DNAL4: variants seen among roughly 807,000 people sequenced by gnomAD.
DNAL4 encodes the protein dynein light chain, outer arm 4.
A neutral mutation model predicts 12.6 loss-of-function variants in DNAL4; 10 were observed. That is an observed-to-expected ratio of 0.79 (90% CI 0.49 to 1.34). The LOEUF is 1.34. Ranked by LOEUF, DNAL4 falls within the 40% of genes most tolerant of loss-of-function variation. The pLI, the probability that DNAL4 is intolerant of heterozygous loss-of-function variation, is 0.00. For synonymous variants in DNAL4, 46 were observed against 53.1 expected (o/e 0.87, Z 0.58); for missense variants, 128 against 138.1 (o/e 0.93, Z 0.37).
rs542051422 is a variant in DNAL4, at chr22:38,786,557, TCAAAACAAAA to T, written c.-139-3697_-139-3688del. On this transcript the variant is annotated intron_variant, in intron 1 of 3. Coordinates refer to ENST00000216068, the MANE Select transcript of DNAL4 (RefSeq NM_005740.3). ...CTGGGCGAAGAAGTGAGACTCAGTC[TCAAAACAAAA>T]CAAAACAAAACAAAACAAAAACAAA... is the stretch of plus-strand genomic sequence containing the variant. Among the ~76,000 whole-genome samples, 341 of 152,100 alleles carry T rather than the reference TCAAAACAAAA, an allele frequency of 2.2e-3. 1 individual carries two copies. Among genetic ancestry groups the T allele is most frequent in the Non-Finnish European group, 3.1e-3 (209 of 67,986 alleles).
chr22:38,780,798 C>T, intron 3 of DNAL4, 128 bp downstream of exon 3: 1 of 896,964 alleles, frequency 1.1e-6, no homozygotes, highest in Non-Finnish European at 1.7e-6. Flanking sequence ...AGACTGAATG[C>T]TTCCAAGGAA....
rs2093031362 is a variant in DNAL4 at position 38,779,699 on chromosome 22, ACT to A, written c.154-88_154-87del. On this transcript the variant is annotated intron_variant, in intron 3 of 3. Transcript: ENST00000216068. This position sits in a 1 kb window ranked among gnomAD's most constrained non-coding sequence, Gnocchi z 4.3. ...CTTCTCCAGGAAGGAGAAGGCTGGC[ACT>A]GAGGTCTTGGCAAGAGAAAGGCCTG... is the stretch of plus-strand genomic sequence containing the variant. 6.8e-7 allele frequency: 1 copy of A among 1,477,340 alleles called. No individual in the cohort carries two copies. Among genetic ancestry groups the A allele is most frequent in the Non-Finnish European group, 9.1e-7 (1 of 1,101,704 alleles). 91.5% of individuals were successfully genotyped at this position (1,477,340 alleles called of 1,614,324 possible). A position where few individuals can be genotyped will look rare whatever the true frequency, so the allele number is the denominator to read the frequency against.
intron 1 of DNAL4, among the ~76,000 whole-genome samples, chr22:38,790,896 G>A (rs550418473): frequency 3.3e-5 from 5 of 152,286 alleles, no homozygotes; most frequent in East Asian, 1.9e-4. Flanking sequence ...GGCCGGGTGC[G>A]GTGGCTCACG....
intron 1 of DNAL4, among the ~76,000 whole-genome samples, chr22:38,784,650 A>C (rs899640497): frequency 6.6e-6 from 1 of 151,714 alleles, no homozygotes; most frequent in African/African-American, 2.4e-5. Flanking sequence ...AGCTGGGACT[A>C]CAGGCGCCCA....
chr22:38,790,603 G>A (rs1437499101), intron 1 of DNAL4, among the ~76,000 whole-genome samples: 2 of 152,160 alleles, frequency 1.3e-5, no homozygotes, highest in Non-Finnish European at 2.9e-5. Context: ...ATGGGCTATC[G>A]GGGCAGGAGG....
rs934563280 is a variant in DNAL4 at position 38,782,924 on chromosome 22, C to T, written c.-139-54G>A. The stretch of plus-strand genomic sequence containing the variant: ...AAGAGCTGGCTTCAAAACCATACAT[C>T]GCAAATTAGAAATGTCTCAGTAACA... On this transcript the variant is annotated intron_variant, in intron 1 of 3. Coordinates refer to ENST00000216068, the MANE Select transcript of DNAL4 (RefSeq NM_005740.3). The surrounding 1 kb of genome is among the most constrained non-coding windows in gnomAD (Gnocchi z 5.1). 1.8e-5 allele frequency: 9 copies of T among 512,686 alleles called. No homozygotes were observed. The highest frequency in any genetic ancestry group is 8.0e-5 in the African/African-American group (4 of 50,158). 31.8% of individuals were successfully genotyped at this position (512,686 alleles called of 1,614,324 possible). A position where few individuals can be genotyped will look rare whatever the true frequency, so the allele number is the denominator to read the frequency against.
At chr22:38,791,661 G>A (rs1170738805) in intron 1 of DNAL4, among the ~76,000 whole-genome samples, 1 of 151,628 alleles carries the variant, frequency 6.6e-6, no homozygotes, top group Non-Finnish European at 1.5e-5. Flanking sequence ...CAAAGTGCTG[G>A]GATTACAGGT....
intron 2 of DNAL4, 55 bp from the exon 3 acceptor site, chr22:38,781,064 C>CT: frequency 6.2e-7 from 1 of 1,600,472 alleles, no homozygotes; most frequent in South Asian, 1.1e-5. Flanking sequence ...GTGACCTGGC[C>CT]TTCCTGGCTG....
intron 1 of DNAL4, among the ~76,000 whole-genome samples, chr22:38,789,528 A>G (rs959521266): frequency 6.6e-6 from 1 of 152,168 alleles, no homozygotes; most frequent in African/African-American, 2.4e-5. Flanking sequence ...TGCCCACCTC[A>G]GCCTCCCAAA....
At chr22:38,790,204 AG>A (rs1244652606) in intron 1 of DNAL4, among the ~76,000 whole-genome samples, 1 of 152,184 alleles carries the variant, frequency 6.6e-6, no homozygotes, top group East Asian at 1.9e-4. Flanking sequence ...GGAGGTCTCT[AG>A]GTGGCTGGTG....
intron 1 of DNAL4, among the ~76,000 whole-genome samples, chr22:38,791,287 T>C (rs1338272126): frequency 6.6e-6 from 1 of 152,130 alleles, no homozygotes; most frequent in African/African-American, 2.4e-5. Context: ...GGAGAATCAG[T>C]GAATGAGTGG....
chr22:38,782,763 G>A lies in DNAL4; in HGVS notation c.-32C>T, dbSNP rs757824460. Reference sequence around the variant, plus strand: ...TCCACTGTGACCACTGGAGGAGAGTGGGGCTTTCAGGAGGTGCTGGGACTG... The same window carrying A: ...TCCACTGTGACCACTGGAGGAGAGTAGGGCTTTCAGGAGGTGCTGGGACTG... On this transcript the variant is annotated 5_prime_UTR_variant, in exon 2 of 4. Coordinates refer to ENST00000216068, the MANE Select transcript of DNAL4 (RefSeq NM_005740.3). The surrounding 1 kb of genome is among the most constrained non-coding windows in gnomAD (Gnocchi z 5.1). 6.3e-7 allele frequency: 1 copy of A among 1,589,468 alleles called. No individual in the cohort carries two copies. The highest frequency in any genetic ancestry group is 8.5e-7 in the Non-Finnish European group (1 of 1,169,596).
rs373241318 is a variant in DNAL4, at chr22:38,791,896, G to A, written c.-140+2172C>T. On this transcript the variant is annotated intron_variant, in intron 1 of 3. Transcript: ENST00000216068. ...TTTTTTTTTTTTTGAGTACAGATGG[G>A]GTTTCACCATGTTGGGCAGGCTGGT... Among the ~76,000 whole-genome samples the A allele has an allele frequency of 3.3e-5, 5 of 151,220 alleles. No homozygotes were observed. In the East Asian group the frequency reaches 7.7e-4, roughly 23 times the overall value.
At chr22:38,792,287 C>CTTT (rs35443069) in intron 1 of DNAL4, among the ~76,000 whole-genome samples, 2 of 146,326 alleles carry the variant, frequency 1.4e-5, no homozygotes. Flanking sequence ...TTCTTTTTTA[C>CTTT]TTTTTTTTTT....
At chr22:38,783,412 C>G (rs992501925) in intron 1 of DNAL4, among the ~76,000 whole-genome samples, 1 of 144,126 alleles carries the variant, frequency 6.9e-6, no homozygotes, top group Non-Finnish European at 1.6e-5. Flanking sequence ...ACTACACACA[C>G]GGGCCTTCCC....
chr22:38,784,931 C>T (rs2093039902), intron 1 of DNAL4, among the ~76,000 whole-genome samples: 1 of 152,006 alleles, frequency 6.6e-6, no homozygotes, highest in African/African-American at 2.4e-5. Flanking sequence ...CGGTGCCACT[C>T]CATTTGGTCG....
chr22:38,790,692 G>A (rs1430005424), intron 1 of DNAL4, among the ~76,000 whole-genome samples: 2 of 152,164 alleles, frequency 1.3e-5, no homozygotes, highest in Non-Finnish European at 2.9e-5. Flanking sequence ...GAATCGTTAG[G>A]CGATTTTGTT....
intron 3 of DNAL4, chr22:38,780,633 A>G: frequency 2.4e-6 from 1 of 421,078 alleles, no homozygotes; most frequent in Admixed American, 3.9e-5. Flanking sequence ...ACTGGGATGG[A>G]ACCACGGGGA....
chr22:38,793,727 G>A (rs558971134), intron 1 of DNAL4, among the ~76,000 whole-genome samples: 22 of 152,208 alleles, frequency 1.4e-4, no homozygotes, highest in Non-Finnish European at 2.8e-4. Context: ...CGACCCCGCG[G>A]GAGAGGGAAT....
Sources: gnomAD v4.1 joint callset for allele counts (sites outside exome capture counted in the v4.1 genomes callset) on GRCh38, gnomAD v4.1.1 for gene constraint, Gnocchi (gnomAD v3.1) non-coding constraint, MANE v1.5 for transcripts, NCBI Gene and HGNC (gene_info 2026-07-23, HGNC 2026-07-21) for gene names.